TMC2: variants seen among roughly 807,000 people sequenced by gnomAD.
TMC2 encodes the protein transmembrane channel-like protein 2.
A neutral mutation model predicts 105.9 loss-of-function variants in TMC2; 102 were observed. The observed-to-expected ratio is 0.96, with a 90% CI of 0.82 to 1.14. The LOEUF is 1.14. TMC2 is among the 50% of genes most tolerant of loss of function. TMC2 has a pLI of 0.00. For synonymous variants in TMC2, 402 were observed against 422.8 expected (o/e 0.95, Z 0.60); for missense variants, 1,093 against 1,134.3 (o/e 0.96, Z 0.52).
At chr20:2,638,080 G>A (rs559226212) in intron 19 of TMC2, among the ~76,000 whole-genome samples, 137 of 152,286 alleles carry the variant, frequency 9.0e-4, no homozygotes, top group African/African-American at 3.0e-3. Context: ...GGTGGCTCAC[G>A]CCTGCAATCC....
At chr20:2,591,306 AT>A (rs1483239338) in intron 7 of TMC2, among the ~76,000 whole-genome samples, 3 of 152,236 alleles carry the variant, frequency 2.0e-5, no homozygotes, top group African/African-American at 7.2e-5. Flanking sequence ...ATTAGACTAA[AT>A]AACTAGACTA....
chr20:2,611,011 A>T (rs2146237124), intron 12 of TMC2, among the ~76,000 whole-genome samples: 1 of 152,370 alleles, frequency 6.6e-6, no homozygotes, highest in African/African-American at 2.4e-5. Flanking sequence ...GGGGTAGAGC[A>T]GACAGGAAGA....
chr20:2,539,099 C>T (rs1225050828), intron 2 of TMC2, among the ~76,000 whole-genome samples: 1 of 152,170 alleles, frequency 6.6e-6, no homozygotes, highest in Non-Finnish European at 1.5e-5. Context: ...CTGTGTTTTG[C>T]ACTGTGAATT....
rs566730051 is a variant in TMC2, at chr20:2,596,003, T to C, written c.1076+1036T>C. On this transcript the variant is annotated intron_variant, in intron 9 of 19. Transcript: ENST00000358864. ...ACAGGCTTGCTTTTATTCTTAGCCC[T>C]CATGTTGTTGCTTTTTCCCTGCTCT... 9.2e-5 allele frequency among the ~76,000 whole-genome samples: 14 copies of C among 152,302 alleles called. No homozygotes were observed. In the South Asian group the frequency reaches 2.7e-3, roughly 29 times the overall value.
At chr20:2,630,066 A>G (rs750429008) in intron 17 of TMC2, among the ~76,000 whole-genome samples, 1 of 152,228 alleles carries the variant, frequency 6.6e-6, no homozygotes, top group Non-Finnish European at 1.5e-5. Context: ...AACTTAAAAC[A>G]CCTAATCAGT....
intron 19 of TMC2, among the ~76,000 whole-genome samples, chr20:2,638,750 A>G (rs1200325654): frequency 6.6e-6 from 1 of 152,236 alleles, no homozygotes. Flanking sequence ...AAATTCTTAA[A>G]AACAGAAAAA....
intron 11 of TMC2, among the ~76,000 whole-genome samples, chr20:2,609,791 T>C (rs896950142): frequency 6.6e-6 from 1 of 151,542 alleles, no homozygotes; most frequent in African/African-American, 2.4e-5. Flanking sequence ...CCGAGAAGAG[T>C]TGACCAACTT....
chr20:2,608,306 A>ATTG (rs1207881073), intron 11 of TMC2, among the ~76,000 whole-genome samples: 2 of 116,594 alleles, frequency 1.7e-5, no homozygotes, highest in Non-Finnish European at 3.2e-5. Flanking sequence ...TTTATTTATT[A>ATTG]TTATTATTAT....
At chr20:2,599,113 T>A (rs1156666959) in intron 10 of TMC2, among the ~76,000 whole-genome samples, 1 of 152,008 alleles carries the variant, frequency 6.6e-6, no homozygotes, top group Non-Finnish European at 1.5e-5. Flanking sequence ...GCCAGGCTGA[T>A]CTTGAACTCC....
At chr20:2,640,138 T>C (rs2086678488) in intron 19 of TMC2, among the ~76,000 whole-genome samples, 1 of 152,122 alleles carries the variant, frequency 6.6e-6, no homozygotes, top group South Asian at 2.1e-4. Flanking sequence ...CCTGCCACCA[T>C]GCCTGGCTAA....
At chr20:2,597,654 ATTT>A (rs55869258) in intron 10 of TMC2, among the ~76,000 whole-genome samples, 38 of 145,198 alleles carry the variant, frequency 2.6e-4, no homozygotes, top group Admixed American at 8.2e-4. Flanking sequence ...TGCCCAGCTA[ATTT>A]TTTTTTTTTT....
In TMC2 at chr20:2,624,392, ATGT is replaced by A; in HGVS notation, c.2306_2306+2del. 6.2e-7 allele frequency: 1 copy of A among 1,613,274 alleles called. No individual in the cohort carries two copies. Among genetic ancestry groups the A allele is most frequent in the South Asian group, 1.1e-5 (1 of 90,904 alleles). ...CCTGATCATCCCAGCCATCCTGCTGATGTTGTAAGTTAGCCAGGACCCATGGCT... is the reference window on the plus strand; with the variant it reads ...CCTGATCATCCCAGCCATCCTGCTGATGTAAGTTAGCCAGGACCCATGGCT... On this transcript the variant is annotated inframe_deletion and splice_region_variant, in exon 17 of 20. Transcript: ENST00000358864.
Position 2,558,517 on chromosome 20 carries a change from C to G in TMC2, c.144C>G (p.Gly48=). 1.3e-6 allele frequency: 2 copies of G among 1,556,762 alleles called. No individual in the cohort carries two copies. The highest frequency in any genetic ancestry group is 1.7e-6 in the Non-Finnish European group (2 of 1,150,310). The change falls in exon 3 of 20, where the codon GGC becomes GGG. Residue 48 remains glycine, a synonymous_variant. Coordinates refer to ENST00000358864, the MANE Select transcript of TMC2 (RefSeq NM_080751.3). The surrounding 1 kb of genome is among the most constrained non-coding windows in gnomAD (Gnocchi z 4.6). ...CTCTCAAAGCCGAGGGGACCCCAGG[C>G]AGGCGCGGAGCTCAGCGAAGCCAGA... The part of the protein sequence containing the change: ...KRALKAEGTP[G]RRGAQRSQKE...
chr20:2,640,929 G>A (rs1177339187), intron 19 of TMC2, among the ~76,000 whole-genome samples: 3 of 151,966 alleles, frequency 2.0e-5, no homozygotes, highest in Admixed American at 1.3e-4. Context: ...AAGTTCTCTA[G>A]CCAGAAGACC....
At position 2,592,445 on chromosome 20, in the gene TMC2, G is replaced by C; in HGVS notation, c.933+37G>C. 1 of 1,357,414 alleles carries C rather than the reference G, an allele frequency of 7.4e-7. No individual in the cohort carries two copies. Among genetic ancestry groups the C allele is most frequent in the East Asian group, 2.3e-5 (1 of 43,676 alleles). 84.1% of individuals were successfully genotyped at this position (1,357,414 alleles called of 1,614,324 possible). ...AACATGCCAATGAACTTCCATTTGTGATTATAAAGGCTAAAGATTGCATGG... is the reference window on the plus strand; with the variant it reads ...AACATGCCAATGAACTTCCATTTGTCATTATAAAGGCTAAAGATTGCATGG... On this transcript the variant is annotated intron_variant, in intron 8 of 19. Transcript: ENST00000358864. This position sits in a 1 kb window ranked among gnomAD's most constrained non-coding sequence, Gnocchi z 4.9.
intron 3 of TMC2, among the ~76,000 whole-genome samples, chr20:2,560,137 A>G (rs2086015249): frequency 6.6e-6 from 1 of 152,148 alleles, no homozygotes; most frequent in African/African-American, 2.4e-5. Context: ...TGAACATCCC[A>G]GTGAGGCTTT....
intron 17 of TMC2, 84 bp from the exon 18 acceptor site, chr20:2,635,842 T>C: frequency 9.3e-7 from 1 of 1,079,510 alleles, no homozygotes; most frequent in East Asian, 2.4e-5. Flanking sequence ...CCAGGAATCC[T>C]GCCCTGATTC....
Position 2,572,200 on chromosome 20 carries a change from G to A in TMC2, c.576G>A (p.Glu192=), listed in dbSNP as rs2086108616. 4 of 1,612,810 alleles carry A rather than the reference G, an allele frequency of 2.5e-6. No homozygotes were observed. The highest frequency in any genetic ancestry group is 3.4e-6 in the Non-Finnish European group (4 of 1,179,558). Residue 192 remains glutamate, a synonymous_variant, in exon 5 of 20, where the codon GAG becomes GAA. Coordinates refer to ENST00000358864, the MANE Select transcript of TMC2 (RefSeq NM_080751.3). ...GCAGGGAGGCCCAGGAATTTGTGGAGAAGTATGAAGGTGCCTTGGGAAAGG... is the reference window on the plus strand; with the variant it reads ...GCAGGGAGGCCCAGGAATTTGTGGAAAAGTATGAAGGTGCCTTGGGAAAGG... The part of the protein sequence containing the change: ...TELREAQEFV[E]KYEGALGKGK...
intron 10 of TMC2, among the ~76,000 whole-genome samples, chr20:2,600,499 G>A (rs1354548882): frequency 6.6e-6 from 1 of 152,122 alleles, no homozygotes; most frequent in African/African-American, 2.4e-5. Context: ...ACAACATGGG[G>A]AAACCCTGCC....
Sources: allele counts gnomAD v4.1 joint callset (sites outside exome capture counted in the v4.1 genomes callset), GRCh38; gene constraint gnomAD v4.1.1; non-coding constraint Gnocchi (gnomAD v3.1); transcripts MANE v1.5; gene names NCBI Gene and HGNC (gene_info 2026-07-23, HGNC 2026-07-21).